The following WWOX variants were observed in gnomAD, a reference collection of about 807,000 sequenced individuals.
WWOX encodes the protein WW domain containing oxidoreductase.
Under a neutral mutation model 46.2 loss-of-function variants are expected in WWOX, and 69 were observed. The ratio of observed to expected loss-of-function variants is 1.49; its 90% CI spans 1.23 to 1.82. The LOEUF is 1.82. Ranked by LOEUF, WWOX falls within the 40% of genes most tolerant of loss-of-function variation. WWOX has a pLI of 0.00. For synonymous variants in WWOX, 359 were observed against 202.6 expected (o/e 1.77, Z -6.56); for missense variants, 919 against 542.6 (o/e 1.69, Z -6.89).
chr16:78,120,109 C>G (rs1249437743), intron 4 of WWOX, among the ~76,000 whole-genome samples: 2 of 152,090 alleles, frequency 1.3e-5, no homozygotes, highest in African/African-American at 2.4e-5. Context: ...CTGACACTTG[C>G]ATTTTCTATT....
At chr16:79,143,581 T>C (rs1204500276) in intron 8 of WWOX, among the ~76,000 whole-genome samples, 5 of 152,112 alleles carry the variant, frequency 3.3e-5, no homozygotes, top group Admixed American at 2.6e-4. Context: ...TTAGAAAAAA[T>C]AGTTTTAGGG....
chr16:78,589,893 G>C (rs2045310540), intron 8 of WWOX, among the ~76,000 whole-genome samples: 1 of 152,168 alleles, frequency 6.6e-6, no homozygotes, highest in South Asian at 2.1e-4. Context: ...TCCAGGGGAA[G>C]AGGGTCTTTA....
intron 8 of WWOX, among the ~76,000 whole-genome samples, chr16:78,913,096 C>G (rs1249484441): frequency 1.3e-5 from 2 of 151,940 alleles, no homozygotes; most frequent in East Asian, 3.9e-4. Context: ...TTTTGCTTCC[C>G]ACATCTGACA....
intron 8 of WWOX, among the ~76,000 whole-genome samples, chr16:79,024,684 C>G (rs935516195): frequency 2.0e-5 from 3 of 152,102 alleles, no homozygotes; most frequent in Non-Finnish European, 2.9e-5. Context: ...ATCTGCCCAC[C>G]TCGGCCTCCC....
chr16:78,191,589 C>T (rs563736634), intron 5 of WWOX, among the ~76,000 whole-genome samples: 3 of 152,160 alleles, frequency 2.0e-5, no homozygotes, highest in East Asian at 1.9e-4. Flanking sequence ...TTATGAGTTT[C>T]GGTCTTTTTT....
intron 8 of WWOX, among the ~76,000 whole-genome samples, chr16:79,167,668 C>G (rs1171844179): frequency 2.0e-5 from 3 of 152,204 alleles, no homozygotes; most frequent in African/African-American, 7.2e-5. Flanking sequence ...AGATGAGATT[C>G]AAATTCAGGC....
At chr16:78,431,482 T>C (rs2083215602) in intron 7 of WWOX, among the ~76,000 whole-genome samples, 1 of 152,182 alleles carries the variant, frequency 6.6e-6, no homozygotes, top group Non-Finnish European at 1.5e-5. Context: ...AGGAAAGCCC[T>C]GTCAAAGGTT....
At chr16:78,240,549 T>C (rs921406657) in intron 5 of WWOX, among the ~76,000 whole-genome samples, 4 of 152,054 alleles carry the variant, frequency 2.6e-5, no homozygotes, top group Admixed American at 1.3e-4. Context: ...GAGAGTCAGT[T>C]TCTGTTGAGC....
At chr16:79,053,090 A>T (rs1054503051) in intron 8 of WWOX, among the ~76,000 whole-genome samples, 1 of 150,912 alleles carries the variant, frequency 6.6e-6, no homozygotes, top group African/African-American at 2.5e-5. Context: ...TGCAAAAAGG[A>T]TGAAATCTTT....
intron 4 of WWOX, among the ~76,000 whole-genome samples, chr16:78,163,117 A>G (rs998273685): frequency 3.9e-5 from 6 of 152,020 alleles, no homozygotes; most frequent in Non-Finnish European, 1.5e-5. Context: ...CTTTTGGTGA[A>G]GTTTTTTCTT....
intron 8 of WWOX, among the ~76,000 whole-genome samples, chr16:78,828,410 A>G (rs770632170): frequency 3.9e-5 from 6 of 152,150 alleles, no homozygotes; most frequent in South Asian, 2.1e-4. Flanking sequence ...ATGACCGTGT[A>G]CAGGATTCTA....
At chr16:78,559,676 T>A (rs2044387574) in intron 8 of WWOX, among the ~76,000 whole-genome samples, 1 of 152,220 alleles carries the variant, frequency 6.6e-6, no homozygotes, top group African/African-American at 2.4e-5. Context: ...TTTTCTTTTC[T>A]TTTTCTTTTT....
chr16:78,861,374 T>C (rs1324869888), intron 8 of WWOX, among the ~76,000 whole-genome samples: 2 of 152,208 alleles, frequency 1.3e-5, no homozygotes, highest in Non-Finnish European at 2.9e-5. Flanking sequence ...GCTTATTATT[T>C]TAAAATGTAA....
intron 8 of WWOX, among the ~76,000 whole-genome samples, chr16:79,179,564 T>C (rs2050868601): frequency 6.6e-6 from 1 of 152,234 alleles, no homozygotes; most frequent in South Asian, 2.1e-4. Context: ...TTCAGAATGA[T>C]GTTAGAATCT....
At chr16:78,513,010 G>T (rs2085400787) in intron 8 of WWOX, among the ~76,000 whole-genome samples, 2 of 152,138 alleles carry the variant, frequency 1.3e-5, no homozygotes, top group African/African-American at 2.4e-5. Context: ...AGATATTTGT[G>T]GACCTTTCAT....
chr16:78,911,089 CCTT>C (rs1390035143), intron 8 of WWOX, among the ~76,000 whole-genome samples: 1 of 152,010 alleles, frequency 6.6e-6, no homozygotes, highest in African/African-American at 2.4e-5. Context: ...CCAGGGCCTC[CCTT>C]CTTGTTCTCC....
At chr16:79,136,089 A>G (rs919983077) in intron 8 of WWOX, among the ~76,000 whole-genome samples, 4 of 152,216 alleles carry the variant, frequency 2.6e-5, no homozygotes, top group African/African-American at 9.6e-5. Flanking sequence ...ATTTGGCAGA[A>G]TACCATTTAA....
intron 8 of WWOX, among the ~76,000 whole-genome samples, chr16:78,495,024 C>A (rs987619846): frequency 6.6e-6 from 1 of 151,844 alleles, no homozygotes; most frequent in East Asian, 1.9e-4. Context: ...TCGGACATGA[C>A]GTACTGCAAA....
rs192144862 is a variant in WWOX at position 78,759,583 on chromosome 16, A to C, written c.1056+326831A>C. Among the ~76,000 whole-genome samples, 73 of 152,196 alleles carry C rather than the reference A, an allele frequency of 4.8e-4. 1 individual carries two copies. The highest frequency in any genetic ancestry group is 4.6e-4 in the Admixed American group (7 of 15,288). On this transcript the variant is annotated intron_variant, in intron 8 of 8. Coordinates refer to ENST00000566780, the MANE Select transcript of WWOX (RefSeq NM_016373.4). The stretch of plus-strand genomic sequence containing the variant: ...ATTGAATCCTTTAAACTAACCCTCT[A>C]AAGAATTCTCAATCTGTGGATGAGA...
Sources: gnomAD v4.1 joint callset for allele counts (sites outside exome capture counted in the v4.1 genomes callset) on GRCh38, gnomAD v4.1.1 for gene constraint, MANE v1.5 for transcripts, NCBI Gene and HGNC (gene_info 2026-07-23, HGNC 2026-07-21) for gene names.